OGT: variants seen among roughly 807,000 people sequenced by gnomAD.
OGT encodes the protein O-linked N-acetylglucosamine (GlcNAc) transferase, also known as UDP-N-acetylglucosamine--peptide N-acetylglucosaminyltransferase 110 kDa subunit.
OGT carries 3 observed loss-of-function variants against 75.8 expected under a neutral mutation model. The observed-to-expected ratio is 0.04, with a 90% CI of 0.02 to 0.10. The LOEUF (loss-of-function observed/expected upper bound fraction) is 0.10. OGT is among the 10% of genes least tolerant of loss of function. The probability of loss-of-function intolerance (pLI) is 1.00; values close to 1 mark genes in which losing one functional copy is unlikely to be tolerated. For missense variants in OGT, 260 were observed against 824.4 expected (o/e 0.32, Z 8.38); for synonymous variants, 257 against 289.7 (o/e 0.89, Z 1.15).
chrX:71,551,013 A>C (rs747570385), intron 5 of OGT, among the ~76,000 whole-genome samples: 2 of 111,451 alleles, frequency 1.8e-5, no homozygotes, highest in East Asian at 2.8e-4. Context: ...AATAATGTAT[A>C]TTTCAAAATT....
Position 71,573,857 on chromosome X carries a change from C to A in OGT, c.*63C>A, listed in dbSNP as rs2040474727. The A allele has an allele frequency of 1.1e-6, 1 of 906,134 alleles. No homozygotes were observed. Among genetic ancestry groups the A allele is most frequent in the Non-Finnish European group, 1.5e-6 (1 of 660,423 alleles). The allele number at this position is 906,134 out of a possible 1,213,427, so 74.7% of individuals were successfully genotyped here. A position where few individuals can be genotyped will look rare whatever the true frequency, so the allele number is the denominator to read the frequency against. On this transcript the variant is annotated 3_prime_UTR_variant, in exon 22 of 22. Transcript: ENST00000373719. ...CCTCAACCTTCTGGGGGAAAGGGAA[C>A]TAGATAACATACTTCTTACTTGTCT...
intron 21 of OGT, among the ~76,000 whole-genome samples, chrX:71,572,332 A>G (rs2040464392): frequency 8.9e-6 from 1 of 112,563 alleles, no homozygotes; most frequent in Admixed American, 9.4e-5. Context: ...TGAATGCACT[A>G]CAGTTTATTT....
intron 3 of OGT, among the ~76,000 whole-genome samples, chrX:71,543,733 G>GGTGTGTGTGT (rs1211703806): frequency 1.0e-4 from 9 of 87,909 alleles, no homozygotes; most frequent in South Asian, 6.7e-4. Context: ...AAATATTTGA[G>GGTGTGTGTGT]ATGTGTGTGT....
chrX:71,568,826 TCAAAAACAAAAA>T (rs55676711), intron 21 of OGT, among the ~76,000 whole-genome samples: 25 of 102,643 alleles, frequency 2.4e-4, no homozygotes, highest in African/African-American at 7.0e-4. Context: ...AGACTCTATC[TCAAAAACAAAAA>T]CAAAAACAAA....
In OGT at chrX:71,563,139, G is replaced by A; in HGVS notation, c.2158G>A (p.Val720Ile). Residue 720 changes from valine to isoleucine, a missense_variant, in exon 17 of 22, where the codon GTC becomes ATC. By Grantham distance (29) the Val-to-Ile change is conservative. Transcript: ENST00000373719. ...NMFPHLKKKA[V>I]IDFKSNGHIY... is the part of the protein sequence containing the mutation. The stretch of plus-strand genomic sequence containing the variant: ...CTATTTTTTCCATTAGAAAAAAGCA[G>A]TCATCGATTTTAAGTCCAATGGGCA... The A allele has an allele frequency of 8.3e-7, 1 of 1,209,743 alleles. No individual in the cohort carries two copies. The highest frequency in any genetic ancestry group is 1.1e-6 in the Non-Finnish European group (1 of 893,666).
chrX:71,556,503 CAA>C, intron 8 of OGT, 175 bp from the exon 9 acceptor site: 1 of 384,454 alleles, frequency 2.6e-6, no homozygotes, highest in Non-Finnish European at 4.5e-6. Context: ...ATGTTTGAAA[CAA>C]GAAGAGGTAT....
In OGT at chrX:71,564,760, A is replaced by T. The variant is rs1261117710; in HGVS notation, c.2589+7A>T. 8.6e-7 allele frequency: 1 copy of T among 1,165,046 alleles called. No homozygotes were observed. The highest frequency in any genetic ancestry group is 1.8e-5 in the African/African-American group (1 of 54,322). ...TTTGCAGATGTGGGCAAACGTGAGTATGCAAGTATGTTAGAGACTAATAAA... is the reference window on the plus strand; with the variant it reads ...TTTGCAGATGTGGGCAAACGTGAGTTTGCAAGTATGTTAGAGACTAATAAA... On this transcript the variant is annotated splice_region_variant and intron_variant, in intron 19 of 21. Coordinates refer to ENST00000373719, the MANE Select transcript of OGT (RefSeq NM_181672.3).
rs1602155754 is a variant in OGT at position 71,567,410 on chromosome X, A to G, written c.2590-90A>G. The G allele has an allele frequency of 4.0e-6, 3 of 758,914 alleles. No homozygotes were observed. The East Asian group carries it at 9.8e-5, about 25-fold the overall frequency. 62.5% of individuals were successfully genotyped at this position (758,914 alleles called of 1,213,427 possible). A position where few individuals can be genotyped will look rare whatever the true frequency, so the allele number is the denominator to read the frequency against. On this transcript the variant is annotated intron_variant, in intron 19 of 21. Coordinates refer to ENST00000373719, the MANE Select transcript of OGT (RefSeq NM_181672.3). ...GCTTCTATCTGGATGGAAAGAATAG[A>G]GTGTGGTAGAATTATTAGAGACCTC...
At chrX:71,536,455 C>G in intron 2 of OGT, 97 bp downstream of exon 2, 4 of 769,045 alleles carry the variant, frequency 5.2e-6, no homozygotes, top group Non-Finnish European at 7.1e-6. Flanking sequence ...TTTTCCAGTA[C>G]CGGGTTTCAA....
In OGT at chrX:71,557,308, C is replaced by A; in HGVS notation, c.1422+12C>A. 1 of 1,158,631 alleles carries A rather than the reference C, an allele frequency of 8.6e-7. No individual in the cohort carries two copies. On this transcript the variant is annotated intron_variant, in intron 11 of 21. Transcript: ENST00000373719. ...CTCATTGCCTGCAGGTAAAGAATAACAGGCCAGTAATTGGCTCTCAGTGTT... is the reference window on the plus strand; with the variant it reads ...CTCATTGCCTGCAGGTAAAGAATAAAAGGCCAGTAATTGGCTCTCAGTGTT...
intron 4 of OGT, 133 bp downstream of exon 4, chrX:71,544,768 C>T (rs1478962368): frequency 1.3e-5 from 7 of 534,119 alleles, no homozygotes; most frequent in African/African-American, 2.3e-5. Context: ...CGGCACGAAT[C>T]GCCTCAGAAT....
At chrX:71,563,667 C>T (rs923376736) in intron 18 of OGT, among the ~76,000 whole-genome samples, 168 bp downstream of exon 18, 2 of 112,026 alleles carry the variant, frequency 1.8e-5, no homozygotes, top group African/African-American at 6.5e-5. Context: ...TTTTAAAAGT[C>T]TCCTGGATTC....
At chrX:71,543,390 A>C (rs781554593) in intron 3 of OGT, among the ~76,000 whole-genome samples, 1 of 111,569 alleles carries the variant, frequency 9.0e-6, no homozygotes, top group South Asian at 3.8e-4. Flanking sequence ...TGTCTCATCC[A>C]GATGAATGGA....
chrX:71,556,972 A>T lies in OGT; in HGVS notation c.1187A>T (p.Asp396Val). The T allele has an allele frequency of 8.3e-7, 1 of 1,210,393 alleles. No individual in the cohort carries two copies. The highest frequency in any genetic ancestry group is 3.0e-5 in the East Asian group (1 of 33,853). ...EAIRISPTFADAYSNMGNTLK... is the reference protein window; with the variant it reads ...EAIRISPTFAVAYSNMGNTLK... ...TTTAGAATCAGTCCTACCTTTGCTG[A>T]TGCCTACTCTAATATGGGAAACACT... is the stretch of plus-strand genomic sequence containing the variant. The change falls in exon 10 of 22, where the codon GAT (aspartate) becomes GTT (valine). Residue 396 changes from aspartate to valine, a missense_variant. Coordinates refer to ENST00000373719, the MANE Select transcript of OGT (RefSeq NM_181672.3).
At chrX:71,547,047 G>T in intron 4 of OGT, 2 of 754,725 alleles carry the variant, frequency 2.6e-6, no homozygotes, top group Non-Finnish European at 3.1e-6. Flanking sequence ...GCAGCAGTTC[G>T]CAGCGATTGC....
intron 14 of OGT, among the ~76,000 whole-genome samples, chrX:71,560,275 CAAAAA>C (rs764918597): frequency 2.2e-5 from 1 of 45,847 alleles, no homozygotes; most frequent in African/African-American, 7.6e-5. Flanking sequence ...GACTCTGTCT[CAAAAA>C]AAAAAAAAAA....
At position 71,563,330 on chromosome X, in the gene OGT, T is replaced by C. The variant is rs764469724; in HGVS notation, c.2267T>C (p.Met756Thr). 4 of 1,206,959 alleles carry C rather than the reference T, an allele frequency of 3.3e-6. No individual in the cohort carries two copies. Among genetic ancestry groups the C allele is most frequent in the South Asian group, 3.5e-5 (2 of 56,490 alleles). The change falls in exon 18 of 22, where the codon ATG becomes ACG. Residue 756 changes from methionine (M) to threonine (T), a missense_variant and splice_region_variant. By Grantham distance (81) the Met-to-Thr change is moderately conservative (BLOSUM62 -1). Transcript: ENST00000373719. ...CCTAATGATGCATTTTTTTTTCAGATGAAGTGTCCTGATGGAGGAGACAAT... is the reference window on the plus strand; with the variant it reads ...CCTAATGATGCATTTTTTTTTCAGACGAAGTGTCCTGATGGAGGAGACAAT... Reference protein sequence around the residue: ...DSLPDVKIVKMKCPDGGDNAD... With the variant: ...DSLPDVKIVKTKCPDGGDNAD...
At chrX:71,547,075 G>C in intron 4 of OGT, 2 of 754,807 alleles carry the variant, frequency 2.6e-6, no homozygotes, top group Non-Finnish European at 3.1e-6. Context: ...GATGCTGTTA[G>C]GTTGCGCAAG....
intron 5 of OGT, among the ~76,000 whole-genome samples, chrX:71,553,253 G>A (rs562603914): frequency 1.1e-4 from 12 of 110,677 alleles, no homozygotes; most frequent in African/African-American, 3.9e-4. Flanking sequence ...CACCATGCCC[G>A]GCTAATTTTT....
Sources: allele counts gnomAD v4.1 joint callset (sites outside exome capture counted in the v4.1 genomes callset), GRCh38; gene constraint gnomAD v4.1.1; transcripts MANE v1.5; gene names NCBI Gene and HGNC (gene_info 2026-07-23, HGNC 2026-07-21).